Variants in LRP1B observed in about 807,000 individuals in gnomAD.
LRP1B encodes the protein low-density lipoprotein receptor-related protein 1B.
LRP1B carries 217 observed loss-of-function variants against 556.6 expected under a neutral mutation model. The observed-to-expected ratio is 0.39, with a 90% CI of 0.35 to 0.44. LRP1B has a LOEUF of 0.44. Ranked by LOEUF, LRP1B falls within the 20% of genes least tolerant of loss-of-function variation. The pLI is 1.00. For synonymous variants in LRP1B, 2,047 were observed against 1,865.8 expected (o/e 1.10, Z -2.50); for missense variants, 5,053 against 5,620.8 (o/e 0.90, Z 3.23).
chr2:140,633,625 T>C (rs1683972566), intron 41 of LRP1B, among the ~76,000 whole-genome samples: 1 of 152,132 alleles, frequency 6.6e-6, no homozygotes, highest in Non-Finnish European at 1.5e-5. Context: ...TACTTGATAT[T>C]AGAAATCAAG....
At chr2:141,238,011 G>A (rs766840161) in intron 5 of LRP1B, among the ~76,000 whole-genome samples, 1 of 152,026 alleles carries the variant, frequency 6.6e-6, no homozygotes, top group African/African-American at 2.4e-5. Context: ...TAAGTACAAT[G>A]AAATAAATAA....
At chr2:140,319,499 G>C (rs527263377) in intron 82 of LRP1B, among the ~76,000 whole-genome samples, 1 of 152,204 alleles carries the variant, frequency 6.6e-6, no homozygotes, top group African/African-American at 2.4e-5. Context: ...TTTCTGAGAG[G>C]TTAAGTGGAA....
intron 2 of LRP1B, among the ~76,000 whole-genome samples, chr2:141,521,095 G>GA (rs557777930): frequency 1.2e-4 from 18 of 151,782 alleles, no homozygotes; most frequent in East Asian, 5.8e-4. Context: ...ATATATCAGT[G>GA]AAAAAAAATA....
chr2:141,056,695 T>C (rs1699187181), intron 9 of LRP1B, among the ~76,000 whole-genome samples: 1 of 151,878 alleles, frequency 6.6e-6, no homozygotes, highest in Admixed American at 6.6e-5. Context: ...TGCTTATTTC[T>C]CCATTTGTGA....
intron 1 of LRP1B, among the ~76,000 whole-genome samples, chr2:141,927,814 T>C (rs914859588): frequency 1.3e-5 from 2 of 148,970 alleles, no homozygotes; most frequent in Non-Finnish European, 3.0e-5. Context: ...TCTTCTGCTT[T>C]TCCCCATCTT....
At chr2:141,249,808 T>A (rs1208479726) in intron 4 of LRP1B, among the ~76,000 whole-genome samples, 2 of 152,140 alleles carry the variant, frequency 1.3e-5, no homozygotes, top group African/African-American at 4.8e-5. Context: ...TAGGACATTA[T>A]TGTACTGATG....
chr2:141,809,714 C>A (rs1558890376), intron 2 of LRP1B, among the ~76,000 whole-genome samples: 1 of 146,416 alleles, frequency 6.8e-6, no homozygotes. Flanking sequence ...AGACAAAGAT[C>A]CTAACTCTAT....
intron 61 of LRP1B, among the ~76,000 whole-genome samples, chr2:140,457,075 C>T (rs1162950003): frequency 6.6e-6 from 1 of 152,072 alleles, no homozygotes; most frequent in South Asian, 2.1e-4. Context: ...CTGAAGAAAA[C>T]TTGATAGAGT....
chr2:140,587,646 G>A (rs1283237307), intron 43 of LRP1B, among the ~76,000 whole-genome samples: 1 of 152,150 alleles, frequency 6.6e-6, no homozygotes, highest in Admixed American at 6.5e-5. Context: ...TAACTTTGGA[G>A]ATAAATAGCA....
At chr2:141,533,518 C>T (rs1684963956) in intron 2 of LRP1B, among the ~76,000 whole-genome samples, 2 of 152,172 alleles carry the variant, frequency 1.3e-5, no homozygotes, top group Non-Finnish European at 2.9e-5. Context: ...CGGATAAATG[C>T]TATTTACAAG....
At chr2:140,841,967 T>C (rs1189719095) in intron 29 of LRP1B, among the ~76,000 whole-genome samples, 1 of 152,210 alleles carries the variant, frequency 6.6e-6, no homozygotes, top group Non-Finnish European at 1.5e-5. Context: ...TTTAGTATTT[T>C]CTAGCATTCT....
chr2:141,981,515 C>T, intron 1 of LRP1B, among the ~76,000 whole-genome samples: 1 of 152,098 alleles, frequency 6.6e-6, no homozygotes, highest in Non-Finnish European at 1.5e-5. Flanking sequence ...CACTCCCTTA[C>T]AGTCTTGATT....
chr2:140,564,451 AC>A (rs1681052143), intron 43 of LRP1B, among the ~76,000 whole-genome samples: 1 of 152,132 alleles, frequency 6.6e-6, no homozygotes. Context: ...TGGTACCAGA[AC>A]TTTCAGCACA....
intron 2 of LRP1B, among the ~76,000 whole-genome samples, chr2:141,664,191 C>G (rs935322961): frequency 2.0e-5 from 3 of 152,166 alleles, no homozygotes; most frequent in Non-Finnish European, 4.4e-5. Flanking sequence ...TTCAATGTCC[C>G]TTCATGTTAA....
At position 140,401,330 on chromosome 2, in the gene LRP1B, A is replaced by G. The variant is rs373807574; in HGVS notation, c.10415-15321T>C. On this transcript the variant is annotated intron_variant, in intron 66 of 90. Coordinates refer to ENST00000389484, the MANE Select transcript of LRP1B (RefSeq NM_018557.3). ...CTTAGTCCAGTACTATTAGCAGAGC[A>G]CTGTGGGAGTGAGAGCTGCCTTGCC... Among the ~76,000 whole-genome samples the G allele has an allele frequency of 1.4e-4, 21 of 152,280 alleles. No individual in the cohort carries two copies. In the East Asian group the frequency reaches 1.9e-3, roughly 14 times the overall value.
chr2:141,961,858 T>A (rs904157007), intron 1 of LRP1B, among the ~76,000 whole-genome samples: 1 of 151,740 alleles, frequency 6.6e-6, no homozygotes, highest in Non-Finnish European at 1.5e-5. Context: ...GGTTATCACA[T>A]GCTAAATGGA....
At chr2:141,208,482 C>A (rs1682380740) in intron 6 of LRP1B, 1 of 152,220 alleles carries the variant, frequency 6.6e-6, no homozygotes, top group Non-Finnish European at 1.5e-5. Context: ...TCACACTGCG[C>A]CACAACCAGA....
intron 3 of LRP1B, among the ~76,000 whole-genome samples, chr2:141,471,013 T>A (rs193024032): frequency 3.3e-5 from 5 of 152,138 alleles, no homozygotes; most frequent in African/African-American, 9.7e-5. Flanking sequence ...ATTTTGACTT[T>A]CATTTACACA....
chr2:140,882,814 T>A (rs1381171869), intron 25 of LRP1B, among the ~76,000 whole-genome samples: 1 of 152,184 alleles, frequency 6.6e-6, no homozygotes, highest in African/African-American at 2.4e-5. Context: ...CCCTTTTGGC[T>A]CACTCCCTGC....
Sources: gnomAD v4.1 joint callset for allele counts (sites outside exome capture counted in the v4.1 genomes callset) on GRCh38, gnomAD v4.1.1 for gene constraint, MANE v1.5 for transcripts, NCBI Gene and HGNC (gene_info 2026-07-23, HGNC 2026-07-21) for gene names.